MYT1L: variants seen among roughly 807,000 people sequenced by gnomAD.
MYT1L encodes the protein myelin transcription factor 1 like.
Under a neutral mutation model 126.7 loss-of-function variants are expected in MYT1L, and 12 were observed. The ratio of observed to expected loss-of-function variants is 0.09; its 90% CI spans 0.06 to 0.15. The LOEUF (loss-of-function observed/expected upper bound fraction) is 0.15. MYT1L is among the 10% of genes least tolerant of loss of function. The pLI is 1.00. For synonymous variants in MYT1L, 541 were observed against 604.2 expected (o/e 0.90, Z 1.53); for missense variants, 979 against 1,585.2 (o/e 0.62, Z 6.49).
intron 2 of MYT1L, among the ~76,000 whole-genome samples, chr2:2,222,005 A>G (rs1403513248): frequency 6.6e-6 from 1 of 152,190 alleles, no homozygotes; most frequent in African/African-American, 2.4e-5. Context: ...TGCCTCTGTC[A>G]GCTAGGTAAA....
chr2:2,186,881 T>C (rs1410889448), intron 2 of MYT1L, among the ~76,000 whole-genome samples: 3 of 152,266 alleles, frequency 2.0e-5, no homozygotes, highest in East Asian at 3.8e-4. Flanking sequence ...CACCTTGGTC[T>C]TTATTGGCAC....
At chr2:1,846,694 A>G (rs754046554) in intron 19 of MYT1L, among the ~76,000 whole-genome samples, 4 of 152,218 alleles carry the variant, frequency 2.6e-5, no homozygotes, top group Non-Finnish European at 5.9e-5. Context: ...GCCCAGGGGC[A>G]GAGCACAGAC....
At chr2:2,184,888 G>C (rs553448507) in intron 2 of MYT1L, among the ~76,000 whole-genome samples, 13 of 152,202 alleles carry the variant, frequency 8.5e-5, no homozygotes, top group Admixed American at 7.9e-4. Flanking sequence ...GCCGCAGCTC[G>C]GCACTTTAGC....
chr2:1,936,076 C>T (rs2055841378), intron 9 of MYT1L, among the ~76,000 whole-genome samples: 2 of 152,214 alleles, frequency 1.3e-5, no homozygotes, highest in South Asian at 2.1e-4. Flanking sequence ...GCATGTGCCA[C>T]CACACCCGGC....
At chr2:1,987,310 G>GT (rs765457477) in intron 5 of MYT1L, among the ~76,000 whole-genome samples, 61 of 148,852 alleles carry the variant, frequency 4.1e-4, no homozygotes, top group African/African-American at 1.3e-3. Context: ...CTTGATTTCT[G>GT]TTTTTTTTGT....
chr2:1,985,315 G>A (rs1299539923), intron 5 of MYT1L, among the ~76,000 whole-genome samples: 2 of 152,214 alleles, frequency 1.3e-5, no homozygotes, highest in African/African-American at 2.4e-5. Context: ...GAAGGCTCGG[G>A]GAAGGAATGT....
intron 8 of MYT1L, among the ~76,000 whole-genome samples, chr2:1,956,531 ATCT>A (rs1413690133): frequency 7.0e-6 from 1 of 143,860 alleles, no homozygotes; most frequent in Non-Finnish European, 1.5e-5. Context: ...CTATCTATCT[ATCT>A]ATCTATCTAT....
chr2:2,016,443 G>A (rs762936531), intron 4 of MYT1L, among the ~76,000 whole-genome samples: 4 of 152,302 alleles, frequency 2.6e-5, no homozygotes, highest in South Asian at 2.1e-4. Flanking sequence ...GGAAGCACAC[G>A]AAACCCTAGC....
intron 3 of MYT1L, among the ~76,000 whole-genome samples, chr2:2,094,784 AG>A (rs1489374845): frequency 2.0e-5 from 2 of 102,560 alleles, no homozygotes; most frequent in African/African-American, 3.7e-5. Flanking sequence ...GGGTGGGGGG[AG>A]GGGGGAGCGA....
rs572053839 is a variant in MYT1L at position 2,023,672 on chromosome 2, G to A, written c.-157-26325C>T. ...AGAGGACTGAATAGTTGGATGGGGA[G>A]CAACCTGGAAAGGCTGTCTAGCGAG... On this transcript the variant is annotated intron_variant, in intron 4 of 24. Coordinates refer to ENST00000647738, the MANE Select transcript of MYT1L (RefSeq NM_001303052.2). Among the ~76,000 whole-genome samples, 55 of 152,004 alleles carry A rather than the reference G, an allele frequency of 3.6e-4. 1 individual carries two copies. The highest frequency in any genetic ancestry group is 2.8e-3 in the Admixed American group (43 of 15,270).
intron 3 of MYT1L, among the ~76,000 whole-genome samples, chr2:2,126,651 C>T (rs945022901): frequency 1.3e-5 from 2 of 152,214 alleles, no homozygotes; most frequent in Non-Finnish European, 2.9e-5. Flanking sequence ...GCAGGACTCT[C>T]GCTCTGATGA....
intron 1 of MYT1L, among the ~76,000 whole-genome samples, chr2:2,299,559 C>T (rs1356312547): frequency 6.6e-6 from 1 of 152,232 alleles, no homozygotes; most frequent in Non-Finnish European, 1.5e-5. Flanking sequence ...TCAAGATACG[C>T]AACTAGAGGT....
chr2:1,812,690 A>G lies in MYT1L; in HGVS notation c.3081-3523T>C, dbSNP rs575658855. ...CAGGAGTTCCAGACCAGCCTGGCCA[A>G]CATGGTGAAACCCTGTCTCTACTAA... is the stretch of plus-strand genomic sequence containing the variant. On this transcript the variant is annotated intron_variant, in intron 21 of 24. Transcript: ENST00000647738. 1.2e-3 allele frequency among the ~76,000 whole-genome samples: 178 copies of G among 152,230 alleles called. 1 individual carries two copies. Among genetic ancestry groups the G allele is most frequent in the Non-Finnish European group, 8.2e-4 (56 of 68,016 alleles).
At chr2:2,180,021 T>C (rs1401854457) in intron 2 of MYT1L, among the ~76,000 whole-genome samples, 2 of 152,190 alleles carry the variant, frequency 1.3e-5, no homozygotes, top group African/African-American at 2.4e-5. Flanking sequence ...TCACACACTG[T>C]TTCACACAGC....
At chr2:1,916,976 G>T (rs1360882433) in intron 11 of MYT1L, among the ~76,000 whole-genome samples, 2 of 152,224 alleles carry the variant, frequency 1.3e-5, no homozygotes, top group Non-Finnish European at 2.9e-5. Context: ...CCAGGCCTGT[G>T]CAGGAGCTTT....
At chr2:2,201,261 G>A (rs768400669) in intron 2 of MYT1L, among the ~76,000 whole-genome samples, 7 of 152,154 alleles carry the variant, frequency 4.6e-5, no homozygotes. Context: ...AGGACCTGGT[G>A]ACCTGGCTTA....
At chr2:2,117,763 A>G (rs1005708712) in intron 3 of MYT1L, among the ~76,000 whole-genome samples, 1 of 152,208 alleles carries the variant, frequency 6.6e-6, no homozygotes. Flanking sequence ...CATACTAGAA[A>G]TAAGAGCTGC....
chr2:2,083,117 T>C (rs1340413006), intron 3 of MYT1L, among the ~76,000 whole-genome samples: 1 of 152,212 alleles, frequency 6.6e-6, no homozygotes, highest in Non-Finnish European at 1.5e-5. Flanking sequence ...CTAGGGATGA[T>C]GTGGAAGGTG....
At chr2:1,999,140 A>T (rs1375582952) in intron 4 of MYT1L, among the ~76,000 whole-genome samples, 2 of 152,186 alleles carry the variant, frequency 1.3e-5, no homozygotes, top group Non-Finnish European at 2.9e-5. Context: ...TATATCAAAA[A>T]TGTCTGGCTT....
Sources: gnomAD v4.1 joint callset for allele counts (sites outside exome capture counted in the v4.1 genomes callset) on GRCh38, gnomAD v4.1.1 for gene constraint, MANE v1.5 for transcripts, NCBI Gene and HGNC (gene_info 2026-07-23, HGNC 2026-07-21) for gene names.